Variants in IL1RAPL2 observed in about 807,000 individuals in gnomAD.
IL1RAPL2 encodes the protein X-linked interleukin-1 receptor accessory protein-like 2.
Under a neutral mutation model 44.1 loss-of-function variants are expected in IL1RAPL2, and 3 were observed. The ratio of observed to expected loss-of-function variants is 0.07; its 90% CI spans 0.03 to 0.18. The LOEUF is 0.18. Among genes scored for constraint, IL1RAPL2 ranks in the 10% least tolerant of loss-of-function variants. The probability of loss-of-function intolerance (pLI) is 1.00; values close to 1 mark genes in which losing one functional copy is unlikely to be tolerated. For synonymous variants in IL1RAPL2, 181 were observed against 178.8 expected (o/e 1.01, Z -0.10); for missense variants, 391 against 496.4 (o/e 0.79, Z 2.02).
intron 5 of IL1RAPL2, among the ~76,000 whole-genome samples, chrX:105,308,861 T>G (rs2034772591): frequency 9.0e-6 from 1 of 111,533 alleles, no homozygotes. Flanking sequence ...AACTGTCAAA[T>G]ATTTTGCCAA....
intron 5 of IL1RAPL2, among the ~76,000 whole-genome samples, chrX:105,269,635 T>G: frequency 9.0e-6 from 1 of 111,580 alleles, no homozygotes; most frequent in Non-Finnish European, 1.9e-5. Context: ...GAACTAGACT[T>G]CCCTGCCTCA....
chrX:104,623,514 C>T (rs1929439670), intron 1 of IL1RAPL2, among the ~76,000 whole-genome samples: 1 of 110,884 alleles, frequency 9.0e-6, no homozygotes, highest in African/African-American at 3.3e-5. Context: ...AGTATTCACA[C>T]CACAGGAATA....
At chrX:105,543,678 A>G (rs2036763971) in intron 6 of IL1RAPL2, among the ~76,000 whole-genome samples, 1 of 112,286 alleles carries the variant, frequency 8.9e-6, no homozygotes, top group Non-Finnish European at 1.9e-5. Context: ...ACACATGTCT[A>G]TAGTTCATTT....
chrX:105,130,717 T>C (rs2033018785), intron 2 of IL1RAPL2, among the ~76,000 whole-genome samples: 2 of 111,407 alleles, frequency 1.8e-5, no homozygotes, highest in Non-Finnish European at 3.8e-5. Flanking sequence ...AATTCCATTT[T>C]CACATTGACT....
chrX:104,657,538 A>T (rs1470135599), intron 1 of IL1RAPL2, among the ~76,000 whole-genome samples: 1 of 111,954 alleles, frequency 8.9e-6, no homozygotes, highest in Non-Finnish European at 1.9e-5. Flanking sequence ...AACCCTAGGC[A>T]ATACCATTCA....
chrX:105,168,966 G>C (rs2033397085), intron 2 of IL1RAPL2, among the ~76,000 whole-genome samples: 2 of 111,804 alleles, frequency 1.8e-5, no homozygotes, highest in Admixed American at 1.9e-4. Flanking sequence ...CATGATGTTT[G>C]ATATGTGGTA....
chrX:105,756,290 G>A (rs1047821983), intron 10 of IL1RAPL2, among the ~76,000 whole-genome samples: 1 of 111,692 alleles, frequency 9.0e-6, no homozygotes, highest in Admixed American at 9.5e-5. Flanking sequence ...CCTGTGTTGC[G>A]AGAGAGTAGG....
intron 7 of IL1RAPL2, among the ~76,000 whole-genome samples, chrX:105,734,806 A>G (rs1490030293): frequency 1.8e-5 from 2 of 111,743 alleles, no homozygotes; most frequent in Non-Finnish European, 3.8e-5. Context: ...CTTCACAGTA[A>G]GAACTTAGTA....
At chrX:105,148,016 T>G (rs1480470947) in intron 2 of IL1RAPL2, among the ~76,000 whole-genome samples, 1 of 110,836 alleles carries the variant, frequency 9.0e-6, no homozygotes, top group Non-Finnish European at 1.9e-5. Flanking sequence ...TTAAAAAGAG[T>G]TGCTCTTTTC....
In IL1RAPL2 at chrX:105,630,749, G is replaced by A. The variant is rs535279931; in HGVS notation, c.773-86618G>A. 1.5e-3 allele frequency among the ~76,000 whole-genome samples: 167 copies of A among 110,597 alleles called. No individual in the cohort carries two copies. In the South Asian group the frequency reaches 0.015, roughly 10 times the overall value. ...GTCAAAAAATTGAAAGGTGAAGTAT[G>A]AGAAGAATAAATCACCTAAAAAAAA... On this transcript the variant is annotated intron_variant, in intron 6 of 10. Coordinates refer to ENST00000372582, the MANE Select transcript of IL1RAPL2 (RefSeq NM_017416.2).
At chrX:104,640,488 A>G (rs904410012) in intron 1 of IL1RAPL2, among the ~76,000 whole-genome samples, 1 of 112,051 alleles carries the variant, frequency 8.9e-6, no homozygotes, top group African/African-American at 3.2e-5. Flanking sequence ...ATGATTTCAT[A>G]AATTTCTTTT....
At chrX:105,050,420 GA>G (rs1174974044) in intron 2 of IL1RAPL2, among the ~76,000 whole-genome samples, 1 of 111,808 alleles carries the variant, frequency 8.9e-6, no homozygotes, top group African/African-American at 3.3e-5. Flanking sequence ...CAGTCTATTT[GA>G]TTTTTGACTG....
At chrX:104,586,563 C>T (rs1358667889) in intron 1 of IL1RAPL2, among the ~76,000 whole-genome samples, 13 of 111,713 alleles carry the variant, frequency 1.2e-4, no homozygotes, top group Non-Finnish European at 2.4e-4. Flanking sequence ...ATAATTGCTA[C>T]CAAACTAAAC....
At chrX:105,236,620 A>G (rs1556202000) in intron 4 of IL1RAPL2, among the ~76,000 whole-genome samples, 2 of 111,552 alleles carry the variant, frequency 1.8e-5, no homozygotes, top group African/African-American at 6.5e-5. Flanking sequence ...TAGCCCCTAC[A>G]GTATACTAAC....
chrX:105,583,564 G>A (rs2037105144), intron 6 of IL1RAPL2, among the ~76,000 whole-genome samples: 1 of 112,176 alleles, frequency 8.9e-6, no homozygotes, highest in Admixed American at 9.4e-5. Flanking sequence ...GCATAAAGTT[G>A]TTTATAACAT....
intron 2 of IL1RAPL2, among the ~76,000 whole-genome samples, chrX:104,705,315 G>C (rs778480654): frequency 3.6e-5 from 4 of 110,980 alleles, no homozygotes; most frequent in Non-Finnish European, 7.6e-5. Context: ...TGCCTGCAAA[G>C]TTTGCTCTTC....
At chrX:104,934,450 A>G (rs1383751635) in intron 2 of IL1RAPL2, among the ~76,000 whole-genome samples, 1 of 111,586 alleles carries the variant, frequency 9.0e-6, no homozygotes, top group Non-Finnish European at 1.9e-5. Context: ...TTATCAGTGG[A>G]GGCTGCAGAG....
chrX:105,415,043 C>A (rs149225222), intron 5 of IL1RAPL2, among the ~76,000 whole-genome samples: 51 of 112,158 alleles, frequency 4.5e-4, no homozygotes, highest in Middle Eastern at 4.7e-3. Context: ...AAATTAAAGT[C>A]TTTGCTTTGC....
chrX:105,400,240 T>C (rs2035597271), intron 5 of IL1RAPL2, among the ~76,000 whole-genome samples: 1 of 111,683 alleles, frequency 9.0e-6, no homozygotes, highest in Admixed American at 9.6e-5. Flanking sequence ...TCTACTTGTA[T>C]TATAGTCACC....
Sources: gnomAD v4.1 joint callset for allele counts (sites outside exome capture counted in the v4.1 genomes callset) on GRCh38, gnomAD v4.1.1 for gene constraint, MANE v1.5 for transcripts, NCBI Gene and HGNC (gene_info 2026-07-23, HGNC 2026-07-21) for gene names.